The following DLG2 variants were observed in gnomAD, a reference collection of about 807,000 sequenced individuals.
The protein encoded by DLG2 is disks large homolog 2.
In DLG2, 45 loss-of-function variants were observed where a neutral mutation model predicts 132.5. The ratio of observed to expected loss-of-function variants is 0.34; its 90% CI spans 0.27 to 0.44. The LOEUF (loss-of-function observed/expected upper bound fraction) is 0.44. Among genes scored for constraint, DLG2 ranks in the 20% least tolerant of loss-of-function variants. The pLI is 1.00. For missense variants in DLG2, 1,045 were observed against 1,196.9 expected (o/e 0.87, Z 1.87); for synonymous variants, 424 against 419.6 (o/e 1.01, Z -0.13).
chr11:85,021,241 G>C lies in DLG2; in HGVS notation c.357+90420C>G, dbSNP rs1322299971. On this transcript the variant is annotated intron_variant, in intron 6 of 27. Transcript: ENST00000376104. ...ACGTTTCGAGGGCACTACAGCCCGA[G>C]CAATAGGAGGAGGAGGAGGAGGTAC... 5 of 1,282,538 alleles carry C rather than the reference G, an allele frequency of 3.9e-6. No individual in the cohort carries two copies. In the African/African-American group the frequency reaches 7.3e-5, roughly 19 times the overall value. The allele number at this position is 1,282,538 out of a possible 1,614,324, so 79.4% of individuals were successfully genotyped here.
chr11:84,174,639 T>C (rs1031130041), intron 8 of DLG2, among the ~76,000 whole-genome samples: 3 of 152,224 alleles, frequency 2.0e-5, no homozygotes, highest in Non-Finnish European at 4.4e-5. Flanking sequence ...CCTAGGGCTA[T>C]AGTGGTAAAC....
intron 6 of DLG2, among the ~76,000 whole-genome samples, chr11:84,556,619 G>A (rs1002415574): frequency 5.9e-5 from 9 of 152,226 alleles, no homozygotes; most frequent in Non-Finnish European, 1.0e-4. Context: ...TGGGCCACAT[G>A]TGACCCACAG....
At chr11:84,978,526 C>A (rs533590100) in intron 6 of DLG2, among the ~76,000 whole-genome samples, 1 of 152,194 alleles carries the variant, frequency 6.6e-6, no homozygotes, top group African/African-American at 2.4e-5. Flanking sequence ...CTACAACCAT[C>A]TGATCTTTGA....
At chr11:85,074,090 T>C (rs1275186450) in intron 6 of DLG2, among the ~76,000 whole-genome samples, 3 of 151,798 alleles carry the variant, frequency 2.0e-5, no homozygotes, top group Non-Finnish European at 4.4e-5. Context: ...GGAGCCTACT[T>C]GAGTGTGGAG....
intron 7 of DLG2, among the ~76,000 whole-genome samples, chr11:84,334,005 C>A (rs1370945407): frequency 1.3e-5 from 2 of 152,068 alleles, no homozygotes; most frequent in Admixed American, 1.3e-4. Flanking sequence ...ATAGGGCCTG[C>A]CTGTAGAGGG....
intron 7 of DLG2, among the ~76,000 whole-genome samples, chr11:84,501,909 G>T (rs1480885356): frequency 1.3e-5 from 2 of 152,032 alleles, no homozygotes; most frequent in African/African-American, 4.8e-5. Flanking sequence ...CTGATGCCCA[G>T]AAGACTTCTA....
intron 7 of DLG2, among the ~76,000 whole-genome samples, chr11:84,534,123 A>G (rs1193799418): frequency 6.6e-6 from 1 of 152,196 alleles, no homozygotes; most frequent in Non-Finnish European, 1.5e-5. Context: ...CTAGGATAAA[A>G]TAGAGGAATT....
chr11:83,629,696 G>A (rs1037777195), intron 19 of DLG2, among the ~76,000 whole-genome samples: 3 of 152,104 alleles, frequency 2.0e-5, no homozygotes, highest in African/African-American at 7.2e-5. Context: ...TAGATAAGAA[G>A]GGAAAAGGAT....
intron 4 of DLG2, among the ~76,000 whole-genome samples, chr11:85,278,028 C>G (rs1565257450): frequency 6.6e-6 from 1 of 152,142 alleles, no homozygotes; most frequent in Non-Finnish European, 1.5e-5. Flanking sequence ...GCAATTAAGG[C>G]TCTCAAGCAG....
At chr11:83,902,350 A>C (rs1453605143) in intron 15 of DLG2, among the ~76,000 whole-genome samples, 3 of 152,232 alleles carry the variant, frequency 2.0e-5, no homozygotes, top group African/African-American at 7.2e-5. Flanking sequence ...ATTTGAATCA[A>C]GATTGAATGA....
chr11:84,900,829 G>A (rs7940920), intron 6 of DLG2, among the ~76,000 whole-genome samples: 14,848 of 151,882 alleles, frequency 0.098, 970 homozygotes, highest in African/African-American at 0.19. Flanking sequence ...CATAGGTTAC[G>A]TAAGGTTTTA....
chr11:85,147,341 G>C (rs1302840109), intron 5 of DLG2, among the ~76,000 whole-genome samples: 1 of 152,126 alleles, frequency 6.6e-6, no homozygotes, highest in African/African-American at 2.4e-5. Flanking sequence ...ATCCTAATGA[G>C]CGTGAAGTGG....
At position 83,810,620 on chromosome 11, in the gene DLG2, C is replaced by T. The variant is rs145695884; in HGVS notation, c.1722+22994G>A. Among the ~76,000 whole-genome samples the T allele has an allele frequency of 4.1e-3, 631 of 152,112 alleles. 7 individuals are homozygous for T. The highest frequency in any genetic ancestry group is 0.015 in the African/African-American group (610 of 41,552). ...ACAAGAGGAACTCTGGTATTCCATT[C>T]GGAGTTATGATTCTGTGATTCTATC... On this transcript the variant is annotated intron_variant, in intron 17 of 27. Transcript: ENST00000376104.
At chr11:83,879,278 G>GT (rs1489105521) in intron 15 of DLG2, among the ~76,000 whole-genome samples, 2 of 152,074 alleles carry the variant, frequency 1.3e-5, no homozygotes, top group Non-Finnish European at 2.9e-5. Context: ...AGCACAAAAA[G>GT]TTTTTTGTGT....
intron 6 of DLG2, among the ~76,000 whole-genome samples, chr11:84,874,830 A>C (rs1198087919): frequency 6.6e-6 from 1 of 151,952 alleles, no homozygotes; most frequent in African/African-American, 2.4e-5. Context: ...AGACCAGCCT[A>C]GCCAATATGG....
chr11:84,176,176 T>C (rs2095960228), intron 8 of DLG2, among the ~76,000 whole-genome samples: 1 of 151,856 alleles, frequency 6.6e-6, no homozygotes, highest in Non-Finnish European at 1.5e-5. Flanking sequence ...CTAGCAGACA[T>C]GTACATACAT....
intron 6 of DLG2, among the ~76,000 whole-genome samples, chr11:84,673,329 T>G (rs149484344): frequency 9.9e-4 from 151 of 152,180 alleles, no homozygotes; most frequent in Non-Finnish European, 1.9e-3. Flanking sequence ...GAATCCACTT[T>G]CCAACCAATT....
intron 6 of DLG2, among the ~76,000 whole-genome samples, chr11:84,737,623 C>T (rs1317263711): frequency 2.0e-5 from 3 of 151,540 alleles, no homozygotes; most frequent in Non-Finnish European, 4.4e-5. Flanking sequence ...TCAAGAAGAT[C>T]GTATAGCTGT....
chr11:85,213,293 C>T (rs1405924534), intron 4 of DLG2, among the ~76,000 whole-genome samples: 1 of 151,880 alleles, frequency 6.6e-6, no homozygotes, highest in African/African-American at 2.4e-5. Context: ...CCAAAGTGGT[C>T]AGGCTACAAC....
Sources: gnomAD v4.1 joint callset for allele counts (sites outside exome capture counted in the v4.1 genomes callset) on GRCh38, gnomAD v4.1.1 for gene constraint, MANE v1.5 for transcripts, NCBI Gene and HGNC (gene_info 2026-07-23, HGNC 2026-07-21) for gene names.